Variants in BDP1 observed in about 807,000 individuals in gnomAD.
The protein encoded by BDP1 is BDP1 general transcription factor IIIB subunit, also known as transcription factor TFIIIB component B'' homolog.
Under a neutral mutation model 266.6 loss-of-function variants are expected in BDP1, and 169 were observed. The observed-to-expected ratio is 0.63, with a 90% CI of 0.56 to 0.72. The LOEUF is 0.72. Ranked by LOEUF, BDP1 falls within the 30% of genes least tolerant of loss-of-function variation. The pLI is 0.00. For missense variants in BDP1, 3,015 were observed against 3,053.8 expected (o/e 0.99, Z 0.30); for synonymous variants, 1,090 against 1,022.4 (o/e 1.07, Z -1.26).
intron 8 of BDP1, 57 bp from the exon 9 acceptor site, chr5:71,486,425 AGC>A (rs770022201): frequency 1.1e-4 from 160 of 1,429,752 alleles, no homozygotes; most frequent in Non-Finnish European, 1.5e-4. Context: ...ATACTTTAAA[AGC>A]TAGAAGTAGC....
chr5:71,525,631 C>CG (rs1202677762), intron 25 of BDP1, among the ~76,000 whole-genome samples: 3 of 117,610 alleles, frequency 2.6e-5, no homozygotes, highest in African/African-American at 9.4e-5. Flanking sequence ...GCTGGCCGGG[C>CG]GGGGGGCTGA....
chr5:71,533,847 A>G (rs993937419), intron 26 of BDP1, among the ~76,000 whole-genome samples: 10 of 152,134 alleles, frequency 6.6e-5, no homozygotes, highest in Non-Finnish European at 1.3e-4. Flanking sequence ...GTGACTAATG[A>G]TGTCAGGCAC....
intron 25 of BDP1, among the ~76,000 whole-genome samples, chr5:71,525,092 C>T (rs1030331962): frequency 1.2e-4 from 18 of 152,232 alleles, no homozygotes; most frequent in African/African-American, 3.6e-4. Flanking sequence ...CTGTTCCCCC[C>T]TTTCTATTCC....
Position 71,524,113 on chromosome 5 carries a change from TA to T in BDP1, c.5564del (p.Lys1855ArgfsTer12). Reference protein sequence around the residue: ...GSKRVRGKTSKKEPRASKAML... With the variant: ...GSKRVRGKTSXKEPRASKAML... ...CAAAACGAGTTCGGGGTAAGACCTC[TA>T]AGAAGGAACCTAGAGCTTCCAAGGC... is the stretch of plus-strand genomic sequence containing the variant. On this transcript the variant is annotated frameshift_variant, in exon 25 of 39. Transcript: ENST00000358731. LOFTEE classifies it high-confidence loss of function. 1.2e-6 allele frequency: 2 copies of T among 1,614,204 alleles called. No individual in the cohort carries two copies. The highest frequency in any genetic ancestry group is 1.7e-6 in the Non-Finnish European group (2 of 1,180,044).
chr5:71,496,872 T>A (rs1484254959), intron 12 of BDP1, among the ~76,000 whole-genome samples: 1 of 152,240 alleles, frequency 6.6e-6, no homozygotes, highest in Non-Finnish European at 1.5e-5. Flanking sequence ...CGTGAGCCAC[T>A]GCGCCCGGCC....
intron 25 of BDP1, among the ~76,000 whole-genome samples, chr5:71,531,504 A>T (rs1401816552): frequency 6.6e-6 from 1 of 151,700 alleles, no homozygotes; most frequent in African/African-American, 2.4e-5. Flanking sequence ...TAAATATTTT[A>T]TTTATTTATT....
chr5:71,501,026 G>T (rs536763789), intron 13 of BDP1, among the ~76,000 whole-genome samples: 1 of 151,822 alleles, frequency 6.6e-6, no homozygotes, highest in African/African-American at 2.4e-5. Context: ...GAGCCTTGGG[G>T]GTCAAGGCTG....
In BDP1 at chr5:71,523,992, A is replaced by G; in HGVS notation, c.5441A>G (p.Lys1814Arg). 6.2e-7 allele frequency: 1 copy of G among 1,614,170 alleles called. No homozygotes were observed. The highest frequency in any genetic ancestry group is 8.5e-7 in the Non-Finnish European group (1 of 1,180,022). The change falls in exon 25 of 39, where the codon AAA (lysine) becomes AGA (arginine). Residue 1814 changes from lysine (K) to arginine (R), a missense_variant. Physicochemically the swap from Lys to Arg is conservative, Grantham distance 26. Around this residue, in one of 3 missense-constraint regions of BDP1, gnomAD observed 2,383 missense variants for 2,404.9 expected, o/e 0.99. Coordinates refer to ENST00000358731, the MANE Select transcript of BDP1 (RefSeq NM_018429.3). ...TSYSKIALDGKTTISSTSEYE... is the reference protein window; with the variant it reads ...TSYSKIALDGRTTISSTSEYE... ...TACTCTAAAATTGCCCTGGATGGGA[A>G]AACAACTATCTCTTCTACATCTGAG...
chr5:71,563,222 A>G (rs1743803746), intron 38 of BDP1, among the ~76,000 whole-genome samples: 2 of 152,114 alleles, frequency 1.3e-5, no homozygotes, highest in South Asian at 2.1e-4. Flanking sequence ...ATCTTGGTTC[A>G]CTGCAACCTC....
In BDP1 at chr5:71,539,095, A is replaced by C. The variant is rs1314461871; in HGVS notation, c.5929+17A>C. 2.7e-5 allele frequency: 43 copies of C among 1,575,914 alleles called. 1 individual carries two copies. Among genetic ancestry groups the C allele is most frequent in the Non-Finnish European group, 3.7e-5 (42 of 1,150,486 alleles). On this transcript the variant is annotated intron_variant, in intron 27 of 38. Transcript: ENST00000358731. ...ATGAACCAGGTAACTGTTATCAAGGAAACTGCTAAGACTACCTTGATTAAC... is the reference window on the plus strand; with the variant it reads ...ATGAACCAGGTAACTGTTATCAAGGCAACTGCTAAGACTACCTTGATTAAC...
chr5:71,578,119 A>G, the BDP1 span, among the ~76,000 whole-genome samples: 2 of 152,130 alleles, frequency 1.3e-5, no homozygotes, highest in Non-Finnish European at 2.9e-5. Flanking sequence ...TCTAGAGCCT[A>G]TTGTTCGAGG....
intron 24 of BDP1, 97 bp from the exon 25 acceptor site, chr5:71,523,842 A>T: frequency 8.0e-7 from 1 of 1,248,608 alleles, no homozygotes; most frequent in Non-Finnish European, 1.1e-6. Context: ...TTTTCATTTT[A>T]ATGACTGGAA....
rs1744117062 is a variant in BDP1, at chr5:71,567,769, AAAGC to A, written c.*2886_*2889del. On this transcript the variant is annotated 3_prime_UTR_variant, in exon 39 of 39. Coordinates refer to ENST00000358731, the MANE Select transcript of BDP1 (RefSeq NM_018429.3). ...ATTTATAAATTTTCTTGTTCTAAAGAAAGCAGTTATATATATATATAAATTATGT... is the reference window on the plus strand; with the variant it reads ...ATTTATAAATTTTCTTGTTCTAAAGAAGTTATATATATATATAAATTATGT... The A allele has an allele frequency of 6.6e-6, 1 of 152,566 alleles. No individual in the cohort carries two copies. Among genetic ancestry groups the A allele is most frequent in the African/African-American group, 2.4e-5 (1 of 41,452 alleles). The allele number at this position is 152,566 out of a possible 1,614,324, so 9.5% of individuals were successfully genotyped here. A position where few individuals can be genotyped will look rare whatever the true frequency, so the allele number is the denominator to read the frequency against.
downstream of BDP1, among the ~76,000 whole-genome samples, chr5:71,572,260 A>G (rs989329105): frequency 6.6e-6 from 1 of 152,144 alleles, no homozygotes; most frequent in African/African-American, 2.4e-5. Flanking sequence ...CCTTCTTCCA[A>G]ACATATTCTT....
Position 71,491,021 on chromosome 5 carries a change from T to C in BDP1, c.1530T>C (p.Gly510=). ...CTATAAGGCCTGAGCTAAAGGAAGGTGAATGCAGTAAGGAGCAGATGCTTT... is the reference window on the plus strand; with the variant it reads ...CTATAAGGCCTGAGCTAAAGGAAGGCGAATGCAGTAAGGAGCAGATGCTTT... ...CQAIRPELKE[G]ECSKEQMLSC... is the part of the protein sequence containing the mutation. The change falls in exon 11 of 39, where the codon GGT becomes GGC. Residue 510 remains glycine (G), a synonymous_variant. Transcript: ENST00000358731. 6.2e-7 allele frequency: 1 copy of C among 1,613,500 alleles called. No individual in the cohort carries two copies. The highest frequency in any genetic ancestry group is 1.3e-5 in the African/African-American group (1 of 75,048).
intron 33 of BDP1, 144 bp from the exon 34 acceptor site, chr5:71,549,275 TG>T: frequency 1.2e-5 from 8 of 689,682 alleles, no homozygotes; most frequent in Non-Finnish European, 1.7e-5. Flanking sequence ...TTCCTCAGGC[TG>T]GGGGGTTGTT....
chr5:71,491,263 T>C lies in BDP1; in HGVS notation c.1640+132T>C, dbSNP rs77976267. 556 of 823,636 alleles carry C rather than the reference T, an allele frequency of 6.8e-4. 3 individuals are homozygous for C. The African/African-American group carries it at 7.5e-3, about 11-fold the overall frequency. The allele number at this position is 823,636 out of a possible 1,614,324, so 51.0% of individuals were successfully genotyped here. ...TTCTATTTGTTTTTGCTCCATATAT[T>C]TTGAAGCTCTGTTGTTAGGTGTGTA... is the stretch of plus-strand genomic sequence containing the variant. On this transcript the variant is annotated intron_variant, in intron 11 of 38. Transcript: ENST00000358731.
chr5:71,549,430 T>G lies in BDP1; in HGVS notation c.6819T>G (p.Val2273=). The G allele has an allele frequency of 6.2e-7, 1 of 1,610,970 alleles. No homozygotes were observed. Among genetic ancestry groups the G allele is most frequent in the South Asian group, 1.1e-5 (1 of 90,140 alleles). Residue 2273 remains valine (V), a synonymous_variant, in exon 34 of 39, where the codon GTT becomes GTG. Transcript: ENST00000358731. ...INPQDLTVNL[V]ANVPQDGEDE... is the part of the protein sequence containing the mutation. ...TTTAAACTTTGATAGTGAATCTAGT[T>G]GCTAATGTACCTCAAGATGGAGAAG...
intron 19 of BDP1, among the ~76,000 whole-genome samples, chr5:71,514,392 G>C (rs1047413808): frequency 1.3e-5 from 2 of 152,158 alleles, no homozygotes; most frequent in African/African-American, 4.8e-5. Context: ...TCTAAAAAGT[G>C]AGAGTCTTTT....
Sources: gnomAD v4.1 joint callset for allele counts (sites outside exome capture counted in the v4.1 genomes callset) on GRCh38, gnomAD v4.1.1 for gene constraint, gnomAD v4.1.1 regional missense constraint, MANE v1.5 for transcripts, NCBI Gene and HGNC (gene_info 2026-07-23, HGNC 2026-07-21) for gene names.